Variants in DAPK1 observed in about 807,000 individuals in gnomAD.
The protein encoded by DAPK1 is death associated protein kinase 1, also known as death-associated protein kinase 1.
Under a neutral mutation model 144.9 loss-of-function variants are expected in DAPK1, and 56 were observed. The observed-to-expected ratio is 0.39, with a 90% CI of 0.31 to 0.48. The LOEUF (loss-of-function observed/expected upper bound fraction) is 0.48. Among genes scored for constraint, DAPK1 ranks in the 20% least tolerant of loss-of-function variants. DAPK1 has a pLI of 0.95. For synonymous variants in DAPK1, 690 were observed against 749.0 expected (o/e 0.92, Z 1.29); for missense variants, 1,454 against 1,875.4 (o/e 0.78, Z 4.15).
chr9:87,530,516 T>C (rs1183829083), intron 2 of DAPK1, among the ~76,000 whole-genome samples: 2 of 152,228 alleles, frequency 1.3e-5, no homozygotes, highest in Non-Finnish European at 2.9e-5. Flanking sequence ...AAGAGGAAGT[T>C]AATATGCAGT....
At chr9:87,673,694 GT>G (rs1028237135) in intron 19 of DAPK1, among the ~76,000 whole-genome samples, 4 of 152,172 alleles carry the variant, frequency 2.6e-5, no homozygotes, top group Non-Finnish European at 5.9e-5. Flanking sequence ...CTCTGGTGCT[GT>G]CCCTGAGCGC....
At chr9:87,505,193 A>G (rs997662452) in intron 2 of DAPK1, among the ~76,000 whole-genome samples, 5 of 152,220 alleles carry the variant, frequency 3.3e-5, no homozygotes, top group Admixed American at 3.3e-4. Context: ...ATGTGTTAGG[A>G]ACTTTCATCC....
At chr9:87,700,717 T>G (rs1157824940) in intron 24 of DAPK1, among the ~76,000 whole-genome samples, 2 of 152,040 alleles carry the variant, frequency 1.3e-5, no homozygotes, top group Non-Finnish European at 1.5e-5. Flanking sequence ...CCCAGGCTGG[T>G]CTCGAACTCC....
At chr9:87,586,492 A>C (rs528949038) in intron 2 of DAPK1, among the ~76,000 whole-genome samples, 2 of 152,288 alleles carry the variant, frequency 1.3e-5, no homozygotes, top group South Asian at 4.1e-4. Context: ...TAATTATGTA[A>C]TTTGAAGATT....
At chr9:87,502,812 G>C (rs539144578) in intron 2 of DAPK1, among the ~76,000 whole-genome samples, 6 of 152,140 alleles carry the variant, frequency 3.9e-5, no homozygotes, top group African/African-American at 1.4e-4. Flanking sequence ...TTTGCAGCCA[G>C]CTTGTGAGTT....
chr9:87,601,870 C>CT (rs1828533254), intron 2 of DAPK1, among the ~76,000 whole-genome samples: 1 of 152,162 alleles, frequency 6.6e-6, no homozygotes, highest in Non-Finnish European at 1.5e-5. Context: ...AACACTTTGT[C>CT]TAACTCCTCG....
chr9:87,634,150 C>G (rs1306398801), intron 3 of DAPK1, among the ~76,000 whole-genome samples: 2 of 152,238 alleles, frequency 1.3e-5, no homozygotes, highest in Non-Finnish European at 2.9e-5. Flanking sequence ...TACATGTCAT[C>G]TGTGGCTGCT....
intron 19 of DAPK1, among the ~76,000 whole-genome samples, chr9:87,675,895 A>ACCCC (rs3220102): frequency 7.5e-6 from 1 of 132,808 alleles, no homozygotes; most frequent in African/African-American, 2.9e-5. Flanking sequence ...ACACACACAC[A>ACCCC]CCCTTATGAC....
intron 2 of DAPK1, among the ~76,000 whole-genome samples, chr9:87,591,603 G>T (rs1448924178): frequency 6.6e-6 from 1 of 152,144 alleles, no homozygotes; most frequent in Non-Finnish European, 1.5e-5. Flanking sequence ...ATATACCAGG[G>T]TGATTAAAAA....
chr9:87,577,170 A>G (rs181465252), intron 2 of DAPK1, among the ~76,000 whole-genome samples: 1 of 152,286 alleles, frequency 6.6e-6, no homozygotes, highest in East Asian at 1.9e-4. Flanking sequence ...TGTGTGTACA[A>G]CTGTGGTTCT....
intron 2 of DAPK1, among the ~76,000 whole-genome samples, chr9:87,510,632 A>G (rs1180246878): frequency 6.6e-6 from 1 of 152,220 alleles, no homozygotes; most frequent in Non-Finnish European, 1.5e-5. Flanking sequence ...TTCTGAGGGT[A>G]GAGAACATGG....
chr9:87,603,190 G>A (rs1197050602), intron 2 of DAPK1, among the ~76,000 whole-genome samples: 1 of 152,104 alleles, frequency 6.6e-6, no homozygotes, highest in Admixed American at 6.5e-5. Flanking sequence ...GACTCTAAAG[G>A]AAGCAGCTGA....
chr9:87,521,603 G>T (rs1825300662), intron 2 of DAPK1, among the ~76,000 whole-genome samples: 1 of 152,190 alleles, frequency 6.6e-6, no homozygotes, highest in Non-Finnish European at 1.5e-5. Flanking sequence ...TGTCAGCACT[G>T]GGGCACTGTG....
At chr9:87,591,108 C>T (rs921680105) in intron 2 of DAPK1, among the ~76,000 whole-genome samples, 3 of 152,214 alleles carry the variant, frequency 2.0e-5, no homozygotes, top group African/African-American at 7.2e-5. Flanking sequence ...TGGCTGAAGG[C>T]AACTGCTTAG....
intron 3 of DAPK1, among the ~76,000 whole-genome samples, chr9:87,612,652 T>C (rs2118997735): frequency 6.6e-6 from 1 of 152,364 alleles, no homozygotes; most frequent in South Asian, 2.1e-4. Flanking sequence ...ACTCGCATGT[T>C]GATCTAAAAT....
intron 3 of DAPK1, among the ~76,000 whole-genome samples, chr9:87,607,821 T>C (rs1828786617): frequency 6.6e-6 from 1 of 152,160 alleles, no homozygotes; most frequent in Admixed American, 6.6e-5. Flanking sequence ...CTGGTCTTCA[T>C]CACTGTTTGT....
At chr9:87,582,051 T>C (rs941056038) in intron 2 of DAPK1, among the ~76,000 whole-genome samples, 13 of 152,040 alleles carry the variant, frequency 8.6e-5, no homozygotes, top group Non-Finnish European at 7.4e-5. Context: ...CTTAAAATGA[T>C]CAACTTTATG....
chr9:87,625,795 G>A (rs1323797737), intron 3 of DAPK1, among the ~76,000 whole-genome samples: 3 of 152,130 alleles, frequency 2.0e-5, no homozygotes, highest in Non-Finnish European at 4.4e-5. Context: ...AAGTTTGACC[G>A]CATTCAAATT....
At chr9:87,642,685 C>T (rs371388712) in intron 10 of DAPK1, among the ~76,000 whole-genome samples, 1 of 152,116 alleles carries the variant, frequency 6.6e-6, no homozygotes, top group African/African-American at 2.4e-5. Context: ...CCGTGTCTTC[C>T]CAGCTCAGGG....
Sources: gnomAD v4.1 joint callset for allele counts (sites outside exome capture counted in the v4.1 genomes callset) on GRCh38, gnomAD v4.1.1 for gene constraint, MANE v1.5 for transcripts, NCBI Gene and HGNC (gene_info 2026-07-23, HGNC 2026-07-21) for gene names.